Variants in SEC14L1 observed in about 807,000 individuals in gnomAD.
The protein encoded by SEC14L1 is SEC14 like lipid binding 1, also known as SEC14-like protein 1.
Under a neutral mutation model 85.3 loss-of-function variants are expected in SEC14L1, and 48 were observed. That is an observed-to-expected ratio of 0.56 (90% CI 0.45 to 0.72). The LOEUF is 0.72. SEC14L1 is among the 30% of genes least tolerant of loss of function. SEC14L1 has a pLI of 0.00. For missense variants in SEC14L1, 682 were observed against 921.4 expected, an observed-to-expected ratio of 0.74 and a Z score of 3.36; for synonymous variants, 391 against 355.5, an observed-to-expected ratio of 1.10 and a Z score of -1.12.
At position 77,205,306 on chromosome 17, in the gene SEC14L1, C is replaced by A; in HGVS notation, c.1129C>A (p.Arg377=). Residue 377 remains arginine, a synonymous_variant, in exon 11 of 17, where the codon CGA becomes AGA. Transcript: ENST00000436233. ...VLSINEEGLR[R]CEENTKVFGR... is the part of the protein sequence containing the mutation. ...CTCCATAAATGAAGAAGGGCTAAGG[C>A]GATGCGAAGAGAATACAAAAGTCTT... 1 of 1,614,064 alleles carries A rather than the reference C, an allele frequency of 6.2e-7. No individual in the cohort carries two copies. The highest frequency in any genetic ancestry group is 8.5e-7 in the Non-Finnish European group (1 of 1,179,998).
intron 1 of SEC14L1, among the ~76,000 whole-genome samples, chr17:77,142,092 A>G (rs1973078105): frequency 6.6e-6 from 1 of 152,104 alleles, no homozygotes; most frequent in African/African-American, 2.4e-5. Context: ...TCTCCCCGAA[A>G]ACCTCATTTT....
intron 13 of SEC14L1, among the ~76,000 whole-genome samples, chr17:77,208,436 C>T (rs1054950371): frequency 1.3e-5 from 2 of 152,166 alleles, no homozygotes; most frequent in Non-Finnish European, 2.9e-5. Flanking sequence ...TGCCTCACCG[C>T]GTTGTGCCTG....
At chr17:77,163,838 C>G (rs897707577) in intron 3 of SEC14L1, among the ~76,000 whole-genome samples, 4 of 152,198 alleles carry the variant, frequency 2.6e-5, no homozygotes, top group Non-Finnish European at 5.9e-5. Context: ...TTGCAATTCT[C>G]TTTTCCCAAA....
intron 3 of SEC14L1, among the ~76,000 whole-genome samples, chr17:77,168,922 CG>C (rs1376229018): frequency 6.8e-6 from 1 of 147,988 alleles, no homozygotes; most frequent in Non-Finnish European, 1.5e-5. Context: ...TATTTGGTTT[CG>C]GGGTTTAAAT....
At position 77,143,547 on chromosome 17, in the gene SEC14L1, C is replaced by T. The variant is rs754150469; in HGVS notation, c.-30-20C>T. 2.7e-6 allele frequency: 4 copies of T among 1,461,334 alleles called. No homozygotes were observed. The Admixed American group carries it at 5.1e-5, about 19-fold the overall frequency. 90.5% of individuals were successfully genotyped at this position (1,461,334 alleles called of 1,614,324 possible). ...GTTTCTGCATTGTGGTTACTTATCA[C>T]ATATATTTATGTTTTGCAGGTGTGA... On this transcript the variant is annotated intron_variant, in intron 2 of 16. Transcript: ENST00000436233.
rs778695253 is a variant in SEC14L1, at chr17:77,216,827, A to G, written c.*2804A>G. ...CTTGTAAGGGAATTCTGGGGCAGCT[A>G]TGGTTTGAGTATGCAGTTTGCATCG... On this transcript the variant is annotated 3_prime_UTR_variant, in exon 17 of 17. Coordinates refer to ENST00000436233, the MANE Select transcript of SEC14L1 (RefSeq NM_001143998.2). 2 of 542,462 alleles carry G rather than the reference A, an allele frequency of 3.7e-6. No individual in the cohort carries two copies. The highest frequency in any genetic ancestry group is 6.3e-6 in the Non-Finnish European group (2 of 315,598). The allele number at this position is 542,462 out of a possible 1,614,324, so 33.6% of individuals were successfully genotyped here.
At position 77,191,161 on chromosome 17, in the gene SEC14L1, T is replaced by A. The variant is rs749416576; in HGVS notation, c.214-20T>A. On this transcript the variant is annotated intron_variant, in intron 4 of 16. Transcript: ENST00000436233. Reference sequence around the variant, plus strand: ...TGGTTGTTATTAATAAACCCATTTCTCTTTCTTTTTTTTTTGAAGATTGCA... The same window carrying A: ...TGGTTGTTATTAATAAACCCATTTCACTTTCTTTTTTTTTTGAAGATTGCA... 6.2e-7 allele frequency: 1 copy of A among 1,605,760 alleles called. No individual in the cohort carries two copies. The highest frequency in any genetic ancestry group is 1.7e-5 in the Admixed American group (1 of 59,640).
At chr17:77,113,918 G>A (rs1972108159) in intron 3 of SEC14L1, among the ~76,000 whole-genome samples, 1 of 152,152 alleles carries the variant, frequency 6.6e-6, no homozygotes, top group South Asian at 2.1e-4. Flanking sequence ...ACAGCAAAGA[G>A]TTAAGCATGA....
chr17:77,185,846 G>A (rs1349119011), intron 3 of SEC14L1, among the ~76,000 whole-genome samples: 1 of 152,176 alleles, frequency 6.6e-6, no homozygotes, highest in Non-Finnish European at 1.5e-5. Context: ...GGACTTATCT[G>A]TGGTGGGATC....
At chr17:77,127,233 G>A (rs962029380) in intron 3 of SEC14L1, among the ~76,000 whole-genome samples, 5 of 151,996 alleles carry the variant, frequency 3.3e-5, no homozygotes, top group African/African-American at 7.3e-5. Flanking sequence ...GAGAACATGC[G>A]GTGTATGGTT....
At position 77,194,689 on chromosome 17, in the gene SEC14L1, A is replaced by G. The variant is rs777012428; in HGVS notation, c.487A>G (p.Ile163Val). ...TTTTGTTTTAAAGGGAAAGGAAATC[A>G]TCGAATACTACCTTCGCCAATTAGA... Reference protein sequence around the residue: ...TSNIKKGKEIIEYYLRQLEEE... With the variant: ...TSNIKKGKEIVEYYLRQLEEE... The change falls in exon 7 of 17, where the codon ATC becomes GTC. Residue 163 changes from isoleucine (I) to valine (V), a missense_variant. Around this residue, in one of 3 missense-constraint regions of SEC14L1, gnomAD observed 139 missense variants for 201.3 expected, o/e 0.69. Coordinates refer to ENST00000436233, the MANE Select transcript of SEC14L1 (RefSeq NM_001143998.2). 1.5e-5 allele frequency: 25 copies of G among 1,613,864 alleles called. No individual in the cohort carries two copies. The highest frequency in any genetic ancestry group is 2.1e-5 in the Non-Finnish European group (25 of 1,179,814).
intron 3 of SEC14L1, among the ~76,000 whole-genome samples, chr17:77,148,601 A>G (rs946308165): frequency 6.6e-6 from 1 of 152,186 alleles, no homozygotes; most frequent in Non-Finnish European, 1.5e-5. Flanking sequence ...TCCCTTCAGC[A>G]GACACACCCT....
intron 3 of SEC14L1, among the ~76,000 whole-genome samples, chr17:77,105,094 T>C (rs1019227254): frequency 2.0e-5 from 3 of 152,042 alleles, no homozygotes; most frequent in Non-Finnish European, 4.4e-5. Context: ...GATGAGCCTT[T>C]CCAAAGAAGG....
chr17:77,119,063 A>G (rs1972239785), intron 3 of SEC14L1, among the ~76,000 whole-genome samples: 1 of 152,132 alleles, frequency 6.6e-6, no homozygotes, highest in African/African-American at 2.4e-5. Flanking sequence ...TAATCCCAGC[A>G]CTTTGGGAGG....
chr17:77,216,795 C>T lies in SEC14L1; in HGVS notation c.*2772C>T, dbSNP rs568963881. 7.5e-6 allele frequency: 5 copies of T among 669,716 alleles called. No individual in the cohort carries two copies. The East Asian group carries it at 1.5e-4, about 20-fold the overall frequency. The allele number at this position is 669,716 out of a possible 1,614,324, so 41.5% of individuals were successfully genotyped here. On this transcript the variant is annotated 3_prime_UTR_variant, in exon 17 of 17. Coordinates refer to ENST00000436233, the MANE Select transcript of SEC14L1 (RefSeq NM_001143998.2). ...GGTTTCCTCCCGAGTAATCCAATCT[C>T]ACTCCCCTTGTAAGGGAATTCTGGG...
chr17:77,089,434 G>GTCC (rs1167957117), intron 2 of SEC14L1: 1 of 519,110 alleles, frequency 1.9e-6, no homozygotes, highest in East Asian at 5.4e-5. Context: ...TGAATTTGCA[G>GTCC]TAACAGGTGT....
chr17:77,104,263 A>C (rs1472064709), intron 3 of SEC14L1, among the ~76,000 whole-genome samples: 4 of 150,142 alleles, frequency 2.7e-5, no homozygotes, highest in Non-Finnish European at 5.9e-5. Flanking sequence ...AGCTGGGATT[A>C]CAGGTGCCTG....
intron 3 of SEC14L1, among the ~76,000 whole-genome samples, chr17:77,189,626 GGTTTTGTTTT>G (rs200781196): frequency 6.6e-6 from 1 of 151,904 alleles, no homozygotes; most frequent in Admixed American, 6.6e-5. Context: ...TCTTAACAGG[GGTTTTGTTTT>G]GTTTTGTTTT....
At chr17:77,156,124 C>G (rs542984901) in intron 3 of SEC14L1, among the ~76,000 whole-genome samples, 19 of 152,306 alleles carry the variant, frequency 1.2e-4, no homozygotes, top group Non-Finnish European at 2.5e-4. Flanking sequence ...CTGACTCTAG[C>G]TGGCTGCATG....
Sources: allele counts gnomAD v4.1 joint callset (sites outside exome capture counted in the v4.1 genomes callset), GRCh38; gene constraint gnomAD v4.1.1; regional missense constraint gnomAD v4.1.1; transcripts MANE v1.5; gene names NCBI Gene and HGNC (gene_info 2026-07-23, HGNC 2026-07-21).